The following GPC5 variants were observed in gnomAD, a reference collection of about 807,000 sequenced individuals.
The protein encoded by GPC5 is glypican-5.
A neutral mutation model predicts 53.9 loss-of-function variants in GPC5; 47 were observed. The ratio of observed to expected loss-of-function variants is 0.87; its 90% CI spans 0.69 to 1.11. GPC5 has a LOEUF of 1.11. Among genes scored for constraint, GPC5 ranks in the 50% most tolerant of loss-of-function variants. The probability of loss-of-function intolerance (pLI) is 0.00; values close to 1 mark genes in which losing one functional copy is unlikely to be tolerated. For missense variants in GPC5, 748 were observed against 713.1 expected, an observed-to-expected ratio of 1.05 and a Z score of -0.56; for synonymous variants, 286 against 263.3, an observed-to-expected ratio of 1.09 and a Z score of -0.84.
chr13:92,275,450 C>T (rs537690960), intron 7 of GPC5, among the ~76,000 whole-genome samples: 20 of 152,162 alleles, frequency 1.3e-4, no homozygotes, highest in African/African-American at 4.3e-4. Context: ...AATTTTATAA[C>T]AGGACATAAT....
chr13:92,618,771 G>A (rs554119641), intron 7 of GPC5, among the ~76,000 whole-genome samples: 2 of 149,368 alleles, frequency 1.3e-5, no homozygotes, highest in African/African-American at 4.9e-5. Flanking sequence ...ACATGACATA[G>A]ACATAGAGTG....
At chr13:92,229,191 G>A (rs188070275) in intron 7 of GPC5, among the ~76,000 whole-genome samples, 151 of 152,150 alleles carry the variant, frequency 9.9e-4, no homozygotes, top group African/African-American at 3.3e-3. Context: ...GGGAAGTGAG[G>A]TACAAAGTGT....
intron 7 of GPC5, among the ~76,000 whole-genome samples, chr13:92,575,087 G>A (rs1883149659): frequency 6.6e-6 from 1 of 152,068 alleles, no homozygotes; most frequent in Non-Finnish European, 1.5e-5. Context: ...TACTCCTTCT[G>A]CTCCCTTCTG....
chr13:91,549,985 C>T (rs2030529918), intron 2 of GPC5, among the ~76,000 whole-genome samples: 3 of 152,052 alleles, frequency 2.0e-5, no homozygotes, highest in Admixed American at 2.0e-4. Context: ...TTACAATTGC[C>T]AAAACTCCAG....
intron 7 of GPC5, among the ~76,000 whole-genome samples, chr13:92,316,629 A>T (rs1308124407): frequency 6.6e-6 from 1 of 152,132 alleles, no homozygotes; most frequent in African/African-American, 2.4e-5. Flanking sequence ...AATAGACTCA[A>T]AGTAATATAT....
intron 6 of GPC5, among the ~76,000 whole-genome samples, chr13:92,100,052 C>A (rs1038677585): frequency 3.9e-5 from 6 of 152,074 alleles, no homozygotes; most frequent in Non-Finnish European, 5.9e-5. Flanking sequence ...TCCTCTATGA[C>A]CTGAGCGTAA....
rs187834651 is a variant in GPC5, at chr13:91,868,769, G to A, written c.1281-39168G>A. The stretch of plus-strand genomic sequence containing the variant: ...CACAAAAAATGAGGTAGAGGTTAGA[G>A]GGGAAGTGGGGTATTTATGTATTTA... On this transcript the variant is annotated intron_variant, in intron 5 of 7. Transcript: ENST00000377067. Among the ~76,000 whole-genome samples, 100 of 152,258 alleles carry A rather than the reference G, an allele frequency of 6.6e-4. 1 individual carries two copies. The highest frequency in any genetic ancestry group is 2.3e-3 in the African/African-American group (95 of 41,552).
At chr13:91,749,970 C>T (rs1185926712) in intron 4 of GPC5, among the ~76,000 whole-genome samples, 8 of 152,170 alleles carry the variant, frequency 5.3e-5, no homozygotes, top group East Asian at 3.9e-4. Context: ...CCACCAAGCC[C>T]GGCTAATTTT....
In GPC5 at chr13:91,571,941, A is replaced by G. The variant is rs1425385267; in HGVS notation, c.326-121246A>G. The stretch of plus-strand genomic sequence containing the variant: ...ACATATTGTATATATACACACATGT[A>G]TATACATATACACACATATATGTAT... On this transcript the variant is annotated intron_variant, in intron 2 of 7. Coordinates refer to ENST00000377067, the MANE Select transcript of GPC5 (RefSeq NM_004466.6). Among the ~76,000 whole-genome samples, 313 of 117,934 alleles carry G rather than the reference A, an allele frequency of 2.7e-3. 19 individuals are homozygous for G. The highest frequency in any genetic ancestry group is 0.025 in the South Asian group (59 of 2,374). 77.4% of individuals were successfully genotyped at this position (117,934 alleles called of 152,430 possible).
chr13:92,808,066 G>A (rs959127184), intron 7 of GPC5, among the ~76,000 whole-genome samples: 1 of 151,962 alleles, frequency 6.6e-6, no homozygotes, highest in Non-Finnish European at 1.5e-5. Flanking sequence ...ACCAACTCAG[G>A]GTCACAGGAA....
intron 5 of GPC5, among the ~76,000 whole-genome samples, chr13:91,870,684 T>C (rs932534442): frequency 2.0e-5 from 3 of 152,212 alleles, no homozygotes; most frequent in Non-Finnish European, 2.9e-5. Context: ...ATGTGATTAA[T>C]GTGCTCAGGA....
At chr13:92,166,944 TCTCTCTCTCTCTCACACACACACACACA>T (rs1316459655) in intron 7 of GPC5, among the ~76,000 whole-genome samples, 4 of 130,616 alleles carry the variant, frequency 3.1e-5, no homozygotes, top group Non-Finnish European at 4.8e-5. Flanking sequence ...TCTCTCTCTC[TCTCTCTCTCTCTCACACACACACACACA>T]CACACACACA....
intron 7 of GPC5, among the ~76,000 whole-genome samples, chr13:92,756,585 T>C (rs1418528341): frequency 2.0e-5 from 3 of 149,742 alleles, no homozygotes; most frequent in African/African-American, 4.9e-5. Flanking sequence ...GAAAACCCCA[T>C]TGTCTCAGCC....
intron 7 of GPC5, among the ~76,000 whole-genome samples, chr13:92,280,760 C>G (rs114892054): frequency 6.6e-6 from 1 of 151,730 alleles, no homozygotes; most frequent in Non-Finnish European, 1.5e-5. Flanking sequence ...TGACGGGGTG[C>G]GGGGGGCGGT....
intron 7 of GPC5, among the ~76,000 whole-genome samples, chr13:92,527,173 A>G (rs1464649319): frequency 1.4e-5 from 1 of 69,260 alleles, no homozygotes; most frequent in South Asian, 4.9e-4. Flanking sequence ...AGAAAGAAAG[A>G]GAAAGAAAGA....
At chr13:92,077,154 T>G (rs374873842) in intron 6 of GPC5, among the ~76,000 whole-genome samples, 1 of 152,210 alleles carries the variant, frequency 6.6e-6, no homozygotes, top group Non-Finnish European at 1.5e-5. Context: ...ATTTGATTGA[T>G]GTCTCATGCC....
intron 6 of GPC5, among the ~76,000 whole-genome samples, chr13:92,138,539 AATAAAAAAAAAT>A (rs1290794735): frequency 6.7e-6 from 1 of 148,492 alleles, no homozygotes; most frequent in African/African-American, 2.4e-5. Flanking sequence ...AAAAATAAAA[AATAAAAAAAAAT>A]AAAAATAAAA....
chr13:92,748,745 CTTT>C (rs961016838), intron 7 of GPC5, among the ~76,000 whole-genome samples: 1 of 151,960 alleles, frequency 6.6e-6, no homozygotes, highest in Non-Finnish European at 1.5e-5. Flanking sequence ...ATGAATACTC[CTTT>C]TTTTAATTGT....
At chr13:92,038,359 G>C (rs2040911338) in intron 6 of GPC5, among the ~76,000 whole-genome samples, 1 of 37,234 alleles carries the variant, frequency 2.7e-5, no homozygotes, top group Non-Finnish European at 7.7e-5. Context: ...TAGATAGATA[G>C]ATAGATAGAT....
Sources: gnomAD v4.1 joint callset for allele counts (sites outside exome capture counted in the v4.1 genomes callset) on GRCh38, gnomAD v4.1.1 for gene constraint, MANE v1.5 for transcripts, NCBI Gene and HGNC (gene_info 2026-07-23, HGNC 2026-07-21) for gene names.